GRIK1: variants seen among roughly 807,000 people sequenced by gnomAD.
GRIK1 encodes the protein glutamate ionotropic receptor kainate type subunit 1.
A neutral mutation model predicts 105.7 loss-of-function variants in GRIK1; 69 were observed. The ratio of observed to expected loss-of-function variants is 0.65; its 90% CI spans 0.54 to 0.80. The LOEUF (loss-of-function observed/expected upper bound fraction) is 0.80, where lower values mean the gene tolerates loss of function less well. Ranked by LOEUF, GRIK1 falls within the 30% of genes least tolerant of loss-of-function variation. The pLI is 0.00. For missense variants in GRIK1, 1,109 were observed against 1,167.3 expected (o/e 0.95, Z 0.73); for synonymous variants, 438 against 431.3 (o/e 1.02, Z -0.19).
chr21:29,660,445 G>A (rs962938014), intron 4 of GRIK1, among the ~76,000 whole-genome samples: 1 of 152,198 alleles, frequency 6.6e-6, no homozygotes, highest in Non-Finnish European at 1.5e-5. Flanking sequence ...ATCTTAAGAA[G>A]CCTGGACCAT....
intron 3 of GRIK1, among the ~76,000 whole-genome samples, chr21:29,674,075 T>G (rs375550396): frequency 0.13 from 19,276 of 150,352 alleles, 1,729 homozygotes; most frequent in African/African-American, 0.25. Flanking sequence ...TTTTTTTTTG[T>G]TGTTTTTTTT....
chr21:29,661,557 G>C (rs571458445), intron 4 of GRIK1, among the ~76,000 whole-genome samples: 2 of 152,262 alleles, frequency 1.3e-5, no homozygotes, highest in East Asian at 3.9e-4. Flanking sequence ...GAAAAGGCAA[G>C]AAGTTGGATT....
intron 1 of GRIK1, among the ~76,000 whole-genome samples, chr21:29,884,511 G>A (rs142936300): frequency 1.3e-5 from 2 of 152,022 alleles, no homozygotes; most frequent in African/African-American, 4.8e-5. Context: ...ACTAAGTCAG[G>A]GAGAGAGTTA....
chr21:29,929,957 A>G (rs2071510657), intron 1 of GRIK1, among the ~76,000 whole-genome samples: 1 of 152,228 alleles, frequency 6.6e-6, no homozygotes, highest in African/African-American at 2.4e-5. Flanking sequence ...AATGTGGTAA[A>G]TATACACAAT....
intron 1 of GRIK1, among the ~76,000 whole-genome samples, chr21:29,719,075 T>TAAATAC (rs1207545510): frequency 2.4e-5 from 1 of 42,084 alleles, no homozygotes; most frequent in East Asian, 6.0e-4. Flanking sequence ...TGTGTGTGTG[T>TAAATAC]ATATACATAT....
At chr21:29,751,739 G>A (rs1403617862) in intron 1 of GRIK1, among the ~76,000 whole-genome samples, 1 of 152,140 alleles carries the variant, frequency 6.6e-6, no homozygotes, top group Non-Finnish European at 1.5e-5. Flanking sequence ...CATATGTCCT[G>A]GTGGGTACTG....
chr21:29,784,475 G>A (rs527939002), intron 1 of GRIK1, among the ~76,000 whole-genome samples: 57 of 152,122 alleles, frequency 3.7e-4, no homozygotes, highest in African/African-American at 1.3e-3. Context: ...TACAGTGGGT[G>A]TTGTTTGGGG....
At chr21:29,807,212 T>C (rs541292296) in intron 1 of GRIK1, among the ~76,000 whole-genome samples, 35 of 152,254 alleles carry the variant, frequency 2.3e-4, no homozygotes, top group African/African-American at 6.7e-4. Flanking sequence ...ATTAACTGTA[T>C]TTATGGAGAG....
chr21:29,701,648 AC>A (rs1414353338), intron 1 of GRIK1, among the ~76,000 whole-genome samples: 4 of 152,178 alleles, frequency 2.6e-5, no homozygotes, highest in African/African-American at 9.7e-5. Context: ...AATCAAGCTG[AC>A]TTTTGTATTA....
At chr21:29,873,889 G>A (rs1472856949) in intron 1 of GRIK1, among the ~76,000 whole-genome samples, 2 of 152,156 alleles carry the variant, frequency 1.3e-5, no homozygotes, top group African/African-American at 4.8e-5. Context: ...GGATGGCAGA[G>A]GCTTGTTTCG....
At chr21:29,844,040 C>A (rs2068048415) in intron 1 of GRIK1, among the ~76,000 whole-genome samples, 1 of 152,192 alleles carries the variant, frequency 6.6e-6, no homozygotes. Flanking sequence ...GTGAGTTGTA[C>A]TCACACTCTC....
chr21:29,632,203 G>A (rs1342014674), intron 7 of GRIK1, among the ~76,000 whole-genome samples: 1 of 152,082 alleles, frequency 6.6e-6, no homozygotes, highest in African/African-American at 2.4e-5. Flanking sequence ...TAAGGGCATT[G>A]TATGGTATGC....
chr21:29,635,819 T>G (rs1172728769), intron 7 of GRIK1, among the ~76,000 whole-genome samples: 1 of 152,130 alleles, frequency 6.6e-6, no homozygotes, highest in Non-Finnish European at 1.5e-5. Context: ...AGAGAGAGCA[T>G]GAGGTGTACT....
At chr21:29,830,271 C>A (rs988354655) in intron 1 of GRIK1, among the ~76,000 whole-genome samples, 1 of 151,074 alleles carries the variant, frequency 6.6e-6, no homozygotes, top group Non-Finnish European at 1.5e-5. Context: ...GAAATAAACT[C>A]TTGATTAAGC....
rs894871945 is a variant in GRIK1, at chr21:29,597,521, A to G, written c.1207-951T>C. On this transcript the variant is annotated intron_variant, in intron 8 of 17. Coordinates refer to ENST00000327783, the MANE Select transcript of GRIK1 (RefSeq NM_001330994.2). ...AAGCAGACATTTTCTTAAAAAAATT[A>G]TAGGCTTTTAGATCATAACAAGTAT... The G allele has an allele frequency of 1.2e-5, 3 of 253,946 alleles. No homozygotes were observed. The Admixed American group carries it at 1.4e-4, about 12-fold the overall frequency. The allele number at this position is 253,946 out of a possible 1,614,324, so 15.7% of individuals were successfully genotyped here.
At chr21:29,878,240 A>G (rs954132035) in intron 1 of GRIK1, among the ~76,000 whole-genome samples, 2 of 152,146 alleles carry the variant, frequency 1.3e-5, no homozygotes, top group Non-Finnish European at 2.9e-5. Context: ...CAGGCAAAAG[A>G]GGTCACCTAT....
chr21:29,779,952 A>G (rs1057137556), intron 1 of GRIK1, among the ~76,000 whole-genome samples: 5 of 152,214 alleles, frequency 3.3e-5, no homozygotes, highest in Non-Finnish European at 7.3e-5. Flanking sequence ...TTCTTGGAAC[A>G]CTAAATACTA....
chr21:29,768,607 T>C (rs1176234809), intron 1 of GRIK1, among the ~76,000 whole-genome samples: 1 of 152,206 alleles, frequency 6.6e-6, no homozygotes, highest in Non-Finnish European at 1.5e-5. Context: ...TGGGTGTTAA[T>C]GTCCTCCGCC....
At chr21:29,809,413 T>G (rs2066949078) in intron 1 of GRIK1, among the ~76,000 whole-genome samples, 1 of 152,196 alleles carries the variant, frequency 6.6e-6, no homozygotes, top group African/African-American at 2.4e-5. Flanking sequence ...TAAAAATGCT[T>G]TATTGCTTAA....
Sources: gnomAD v4.1 joint callset for allele counts (sites outside exome capture counted in the v4.1 genomes callset) on GRCh38, gnomAD v4.1.1 for gene constraint, MANE v1.5 for transcripts, NCBI Gene and HGNC (gene_info 2026-07-23, HGNC 2026-07-21) for gene names.